Variants in STXBP5 observed in about 807,000 individuals in gnomAD.
STXBP5 encodes syntaxin binding protein 5, also known as syntaxin-binding protein 5.
A neutral mutation model predicts 152.4 loss-of-function variants in STXBP5; 50 were observed. The observed-to-expected ratio is 0.33, with a 90% confidence interval of 0.26 to 0.42. The LOEUF is 0.42. Among genes scored for constraint, STXBP5 ranks in the 10% least tolerant of loss-of-function variants. STXBP5 has a pLI of 1.00. For synonymous variants in STXBP5, 492 were observed against 494.7 expected (o/e 0.99, Z 0.07); for missense variants, 1,167 against 1,388.6 (o/e 0.84, Z 2.54).
chr6:147,315,578 A>T lies in STXBP5; in HGVS notation c.1466A>T (p.Asp489Val). Residue 489 changes from aspartate to valine, a missense_variant, in exon 15 of 28, where the codon GAT becomes GTT. Asp to Val is a radical substitution (Grantham distance 152). This residue lies in a region of STXBP5 where 833 missense variants were observed against 986.3 expected (regional missense o/e 0.84). Transcript: ENST00000321680. Reference sequence around the variant, plus strand: ...GTATTTGAAAAGTCAAGAAATAAAGATGACAGGCCAAACACAGACATTGTA... The same window carrying T: ...GTATTTGAAAAGTCAAGAAATAAAGTTGACAGGCCAAACACAGACATTGTA... ...SKVFEKSRNK[D>V]DRPNTDIVDE... 1 of 1,613,854 alleles carries T rather than the reference A, an allele frequency of 6.2e-7. No individual in the cohort carries two copies. The highest frequency in any genetic ancestry group is 8.5e-7 in the Non-Finnish European group (1 of 1,179,864).
chr6:147,241,038 A>G (rs1424446178), intron 4 of STXBP5, among the ~76,000 whole-genome samples: 1 of 152,188 alleles, frequency 6.6e-6, no homozygotes, highest in East Asian at 1.9e-4. Context: ...CTCTTACTGT[A>G]TTATGATACC....
chr6:147,376,025 G>T (rs907532096), intron 26 of STXBP5, among the ~76,000 whole-genome samples: 1 of 152,098 alleles, frequency 6.6e-6, no homozygotes, highest in Non-Finnish European at 1.5e-5. Context: ...CAGATAGAAG[G>T]AAAATAATCT....
chr6:147,268,267 G>C (rs186081669), intron 7 of STXBP5, among the ~76,000 whole-genome samples: 388 of 152,206 alleles, frequency 2.5e-3, no homozygotes, highest in Non-Finnish European at 4.2e-3. Flanking sequence ...ATTTTTCTAT[G>C]GAACTATGAC....
intron 9 of STXBP5, among the ~76,000 whole-genome samples, chr6:147,296,268 C>G (rs924113854): frequency 6.6e-6 from 1 of 152,080 alleles, no homozygotes; most frequent in Admixed American, 6.5e-5. Flanking sequence ...GTTCACCCCC[C>G]AAGTCAACCT....
chr6:147,280,620 T>C (rs1378780190), intron 8 of STXBP5, among the ~76,000 whole-genome samples: 1 of 152,346 alleles, frequency 6.6e-6, no homozygotes, highest in East Asian at 1.9e-4. Context: ...AATTCACTAT[T>C]ACTGTGATGG....
chr6:147,356,111 A>G (rs1442782600), intron 22 of STXBP5, among the ~76,000 whole-genome samples: 1 of 152,146 alleles, frequency 6.6e-6, no homozygotes, highest in Non-Finnish European at 1.5e-5. Flanking sequence ...AAATTATGTA[A>G]TAAAAATGCA....
At chr6:147,225,341 T>C (rs1371996367) in intron 2 of STXBP5, among the ~76,000 whole-genome samples, 1 of 152,202 alleles carries the variant, frequency 6.6e-6, no homozygotes, top group Non-Finnish European at 1.5e-5. Flanking sequence ...CTTTAAACTT[T>C]GCAAGATATA....
chr6:147,299,176 A>G (rs1024710979), intron 9 of STXBP5, among the ~76,000 whole-genome samples: 1 of 151,848 alleles, frequency 6.6e-6, no homozygotes, highest in East Asian at 1.9e-4. Flanking sequence ...AAAAGGAAAC[A>G]TTACAACCCG....
intron 14 of STXBP5, 124 bp from the exon 15 acceptor site, chr6:147,315,391 A>C (rs1582932022): frequency 1.6e-6 from 1 of 620,696 alleles, no homozygotes; most frequent in East Asian, 2.8e-5. Flanking sequence ...ACGTAAATTG[A>C]GAAATGAAAA....
At chr6:147,246,957 A>T in intron 4 of STXBP5, among the ~76,000 whole-genome samples, 1 of 152,190 alleles carries the variant, frequency 6.6e-6, no homozygotes, top group East Asian at 1.9e-4. Flanking sequence ...ATGTATATAG[A>T]AACGAAAACT....
At chr6:147,377,435 A>G (rs1247671001) in intron 26 of STXBP5, among the ~76,000 whole-genome samples, 2 of 152,244 alleles carry the variant, frequency 1.3e-5, no homozygotes, top group Non-Finnish European at 2.9e-5. Flanking sequence ...TTAATGAAAT[A>G]GTAAAATACA....
intron 4 of STXBP5, among the ~76,000 whole-genome samples, chr6:147,244,206 A>G (rs1778688066): frequency 6.6e-6 from 1 of 152,212 alleles, no homozygotes; most frequent in South Asian, 2.1e-4. Flanking sequence ...ACAGTTTTAT[A>G]TAAGGGACTT....
At chr6:147,217,840 C>T (rs527467682) in intron 2 of STXBP5, among the ~76,000 whole-genome samples, 1 of 152,144 alleles carries the variant, frequency 6.6e-6, no homozygotes, top group Non-Finnish European at 1.5e-5. Flanking sequence ...GTTGTCTTGA[C>T]TTAAAGTTTT....
At chr6:147,210,790 G>A (rs554823926) in intron 2 of STXBP5, among the ~76,000 whole-genome samples, 47 of 152,124 alleles carry the variant, frequency 3.1e-4, no homozygotes, top group Admixed American at 9.2e-4. Context: ...CGATCATGAA[G>A]GGATATTGTG....
At chr6:147,359,734 G>A (rs1221997429) in intron 23 of STXBP5, among the ~76,000 whole-genome samples, 1 of 151,042 alleles carries the variant, frequency 6.6e-6, no homozygotes, top group Admixed American at 6.6e-5. Context: ...TCTTGCGATA[G>A]TTTACAGAGA....
At chr6:147,268,864 A>C (rs1420016755) in intron 7 of STXBP5, among the ~76,000 whole-genome samples, 1 of 152,174 alleles carries the variant, frequency 6.6e-6, no homozygotes, top group Admixed American at 6.5e-5. Flanking sequence ...AGGAGAAACA[A>C]AGAAGGTAAA....
At chr6:147,280,186 A>G (rs1244322451) in intron 8 of STXBP5, among the ~76,000 whole-genome samples, 1 of 152,090 alleles carries the variant, frequency 6.6e-6, no homozygotes, top group Non-Finnish European at 1.5e-5. Context: ...CAGTTCCTGA[A>G]CATTTTGACT....
chr6:147,335,904 C>G (rs1269836085), intron 19 of STXBP5, among the ~76,000 whole-genome samples: 1 of 152,148 alleles, frequency 6.6e-6, no homozygotes, highest in Non-Finnish European at 1.5e-5. Flanking sequence ...ATATTTTGCT[C>G]TTTGGTCCAT....
At chr6:147,375,767 C>G (rs1040223110) in intron 26 of STXBP5, among the ~76,000 whole-genome samples, 4 of 151,524 alleles carry the variant, frequency 2.6e-5, no homozygotes, top group African/African-American at 9.7e-5. Flanking sequence ...TATAGTACAC[C>G]AGAGACAAAG....
Sources: gnomAD v4.1 joint callset for allele counts (sites outside exome capture counted in the v4.1 genomes callset) on GRCh38, gnomAD v4.1.1 for gene constraint, gnomAD v4.1.1 regional missense constraint, MANE v1.5 for transcripts, NCBI Gene and HGNC (gene_info 2026-07-23, HGNC 2026-07-21) for gene names.